The following FRMPD4 variants were observed in gnomAD, a reference collection of about 807,000 sequenced individuals.
FRMPD4 encodes FERM and PDZ domain-containing protein 4.
In FRMPD4, 22 loss-of-function variants were observed where a neutral mutation model predicts 94.1. The observed-to-expected ratio is 0.23, with a 90% confidence interval of 0.17 to 0.33. The LOEUF (loss-of-function observed/expected upper bound fraction) is 0.33. Ranked by LOEUF, FRMPD4 falls within the 10% of genes least tolerant of loss-of-function variation. The pLI, the probability that FRMPD4 is intolerant of heterozygous loss-of-function variation, is 1.00. For synonymous variants in FRMPD4, 631 were observed against 548.6 expected (o/e 1.15, Z -2.10); for missense variants, 1,111 against 1,339.9 (o/e 0.83, Z 2.67).
intron 1 of FRMPD4, among the ~76,000 whole-genome samples, chrX:12,368,179 A>G (rs892368054): frequency 1.8e-5 from 2 of 111,893 alleles, no homozygotes; most frequent in Non-Finnish European, 3.8e-5. Context: ...TGAGCAAGTG[A>G]CTACATCTCT....
At chrX:12,589,389 A>G (rs1347781283) in intron 2 of FRMPD4, among the ~76,000 whole-genome samples, 1 of 111,898 alleles carries the variant, frequency 8.9e-6, no homozygotes, top group African/African-American at 3.2e-5. Flanking sequence ...GGAGAGAGAA[A>G]CTGCTCACAA....
chrX:11,897,614 A>G (rs1307244092), intron 3 of FRMPD4, among the ~76,000 whole-genome samples: 1 of 112,145 alleles, frequency 8.9e-6, no homozygotes, highest in Admixed American at 9.4e-5. Flanking sequence ...CTGATGATTA[A>G]AGCTTTTTAT....
At chrX:12,130,170 A>C (rs1467081840) in intron 3 of FRMPD4, among the ~76,000 whole-genome samples, 1 of 110,534 alleles carries the variant, frequency 9.0e-6, no homozygotes, top group Non-Finnish European at 1.9e-5. Flanking sequence ...ACAGAGATTT[A>C]ATTGTCTCAT....
intron 1 of FRMPD4, among the ~76,000 whole-genome samples, chrX:12,249,541 G>A (rs750672911): frequency 1.1e-3 from 117 of 111,162 alleles, no homozygotes; most frequent in African/African-American, 3.7e-3. Flanking sequence ...AGGATAAAGA[G>A]GAGAGAGGTT....
chrX:12,042,136 A>G (rs1465183956), intron 3 of FRMPD4, among the ~76,000 whole-genome samples: 1 of 109,573 alleles, frequency 9.1e-6, no homozygotes, highest in East Asian at 2.8e-4. Flanking sequence ...GCTTTTGATC[A>G]TATTTGTAAT....
At chrX:12,673,261 T>A (rs912557394) in intron 4 of FRMPD4, among the ~76,000 whole-genome samples, 1 of 112,276 alleles carries the variant, frequency 8.9e-6, no homozygotes, top group African/African-American at 3.2e-5. Flanking sequence ...TCTTATCTGA[T>A]AAACGTTTCT....
intron 1 of FRMPD4, among the ~76,000 whole-genome samples, chrX:12,461,284 AT>A (rs1415997189): frequency 1.2e-3 from 130 of 111,988 alleles, no homozygotes; most frequent in Admixed American, 1.9e-3. Flanking sequence ...CATAGTTCTC[AT>A]TTTGCATGTA....
Position 12,457,967 on chromosome X carries a change from TTCCC to T in FRMPD4, c.42-40709_42-40706del, listed in dbSNP as rs1179195745. 2.7e-5 allele frequency among the ~76,000 whole-genome samples: 3 copies of T among 111,583 alleles called. No individual in the cohort carries two copies. The East Asian group carries it at 8.5e-4, about 31-fold the overall frequency. The stretch of plus-strand genomic sequence containing the variant: ...GCATAGGAACTTGACTCCCAAAATG[TTCCC>T]TCCATCACTTAATGATAAGGTTTAC... On this transcript the variant is annotated intron_variant, in intron 1 of 16. Coordinates refer to ENST00000675598, the MANE Select transcript of FRMPD4 (RefSeq NM_001368397.1).
chrX:12,429,193 T>C (rs1000012118), intron 1 of FRMPD4, among the ~76,000 whole-genome samples: 1 of 111,573 alleles, frequency 9.0e-6, no homozygotes, highest in Non-Finnish European at 1.9e-5. Flanking sequence ...GACTTCCACA[T>C]GAGCCTCCCA....
At chrX:11,923,052 C>G (rs2054066909) in intron 3 of FRMPD4, among the ~76,000 whole-genome samples, 1 of 112,951 alleles carries the variant, frequency 8.9e-6, no homozygotes, top group South Asian at 3.6e-4. Context: ...GAGGTAGCCC[C>G]TTTGGCCATA....
chrX:12,588,012 G>A (rs1399170585), intron 2 of FRMPD4, among the ~76,000 whole-genome samples: 3 of 111,875 alleles, frequency 2.7e-5, no homozygotes, highest in Non-Finnish European at 5.6e-5. Context: ...TTTTTGACAC[G>A]GAGTCTTGCT....
intron 3 of FRMPD4, chrX:12,054,703 C>T (rs764337839): frequency 1.1e-4 from 12 of 111,438 alleles, no homozygotes; most frequent in Non-Finnish European, 2.1e-4. Flanking sequence ...CTAACTCTGG[C>T]AAGATGAACA....
chrX:12,650,006 G>A (rs2059582688), intron 4 of FRMPD4, among the ~76,000 whole-genome samples: 1 of 112,845 alleles, frequency 8.9e-6, no homozygotes, highest in Admixed American at 9.3e-5. Context: ...GGGTTGCCAT[G>A]GACACCAGTA....
chrX:11,976,331 C>T lies in FRMPD4; in HGVS notation c.95+98313C>T, dbSNP rs776357000. On this transcript the variant is annotated intron_variant, in intron 3 of 18. Transcript: ENST00000640291. ...AAATAAAAAAATTGGGCTTACTGGC[C>T]TCTTGATAGTGATGAGTATGGTAGC... Among the ~76,000 whole-genome samples, 7 of 112,173 alleles carry T rather than the reference C, an allele frequency of 6.2e-5. No homozygotes were observed. In the South Asian group the frequency reaches 2.2e-3, roughly 36 times the overall value.
At chrX:12,187,530 G>GT (rs926348128) in intron 1 of FRMPD4, among the ~76,000 whole-genome samples, 2 of 111,326 alleles carry the variant, frequency 1.8e-5, no homozygotes, top group Non-Finnish European at 3.8e-5. Flanking sequence ...TTCTTGGGCA[G>GT]TTTTTTTCAA....
intron 1 of FRMPD4, among the ~76,000 whole-genome samples, chrX:12,178,999 G>A (rs2056327023): frequency 8.9e-6 from 1 of 111,876 alleles, no homozygotes; most frequent in Non-Finnish European, 1.9e-5. Context: ...TGGGTTTTCT[G>A]GACTATTTGA....
chrX:12,428,060 C>T (rs994320209), intron 1 of FRMPD4, among the ~76,000 whole-genome samples: 12 of 109,046 alleles, frequency 1.1e-4, no homozygotes, highest in Non-Finnish European at 1.9e-4. Flanking sequence ...CAGGCGCCCG[C>T]CACCATGCCC....
chrX:12,136,306 C>T (rs1450294642), upstream of FRMPD4, among the ~76,000 whole-genome samples: 6 of 103,940 alleles, frequency 5.8e-5, no homozygotes, highest in Non-Finnish European at 9.8e-5. Flanking sequence ...CCTTGTGGAG[C>T]TCCAGTGGGA....
chrX:12,138,657 CG>C lies in FRMPD4; in HGVS notation c.-311del. The C allele has an allele frequency of 3.4e-6, 1 of 297,144 alleles. No individual in the cohort carries two copies. The highest frequency in any genetic ancestry group is 5.9e-6 in the Non-Finnish European group (1 of 170,679). 24.5% of individuals were successfully genotyped at this position (297,144 alleles called of 1,213,427 possible). ...GTCCCCGGGGCTAGAGCGCACGGGGCGGGGCGCGAGACCCGGGCCGCGCTCC... is the reference window on the plus strand; with the variant it reads ...GTCCCCGGGGCTAGAGCGCACGGGGCGGGCGCGAGACCCGGGCCGCGCTCC... On this transcript the variant is annotated 5_prime_UTR_variant, in exon 1 of 17. Transcript: ENST00000675598.
Sources: allele counts gnomAD v4.1 joint callset (sites outside exome capture counted in the v4.1 genomes callset), GRCh38; gene constraint gnomAD v4.1.1; transcripts MANE v1.5; gene names NCBI Gene and HGNC (gene_info 2026-07-23, HGNC 2026-07-21).